Variants in MGA observed in about 807,000 individuals in gnomAD.
MGA encodes the protein MAX dimerization protein MGA.
MGA carries 40 observed loss-of-function variants against 261.1 expected under a neutral mutation model. The ratio of observed to expected loss-of-function variants is 0.15; its 90% CI spans 0.12 to 0.20. MGA has a LOEUF of 0.20. Among genes scored for constraint, MGA ranks in the 10% least tolerant of loss-of-function variants. MGA has a pLI of 1.00. For missense variants in MGA, 3,397 were observed against 3,630.5 expected (o/e 0.94, Z 1.65); for synonymous variants, 1,302 against 1,290.6 (o/e 1.01, Z -0.19).
intron 13 of MGA, 59 bp from the exon 14 acceptor site, chr15:41,739,847 G>T: frequency 1.3e-6 from 2 of 1,536,420 alleles, no homozygotes; most frequent in South Asian, 1.2e-5. Context: ...CCTGTCAAGG[G>T]AGAGGAGTTA....
rs528940415 is a variant in MGA at position 41,652,172 on chromosome 15, C to A, written c.-67-16656C>A. Among the ~76,000 whole-genome samples the A allele has an allele frequency of 3.7e-4, 55 of 149,416 alleles. 1 individual carries two copies. The highest frequency in any genetic ancestry group is 1.3e-3 in the African/African-American group (54 of 40,588). ...TGTATTTTTAGTAGAGATGGGGTTT[C>A]ATGTGTTAGCCAGGATGGTCTCAAT... On this transcript the variant is annotated intron_variant, in intron 1 of 8. Transcript: ENST00000566718.
chr15:41,632,133 A>T (rs992990114), intron 1 of MGA, among the ~76,000 whole-genome samples: 1 of 152,194 alleles, frequency 6.6e-6, no homozygotes, highest in Non-Finnish European at 1.5e-5. Context: ...TTTATCCATG[A>T]TACATGTGTG....
intron 22 of MGA, among the ~76,000 whole-genome samples, chr15:41,764,197 C>G (rs568943961): frequency 1.3e-5 from 2 of 150,808 alleles, no homozygotes; most frequent in South Asian, 4.2e-4. Flanking sequence ...TTCTTTTTTA[C>G]TCTTTAAATG....
At chr15:41,698,759 G>T in intron 3 of MGA, 104 bp from the exon 4 acceptor site, 1 of 790,608 alleles carries the variant, frequency 1.3e-6, no homozygotes, top group Non-Finnish European at 2.0e-6. Flanking sequence ...CTGTAGGCAT[G>T]GAGATATTTT....
Position 41,668,833 on chromosome 15 carries a change from G to C in MGA, c.-62G>C. 8.1e-7 allele frequency: 1 copy of C among 1,232,024 alleles called. No individual in the cohort carries two copies. Among genetic ancestry groups the C allele is most frequent in the Admixed American group, 2.5e-5 (1 of 39,406 alleles). The allele number at this position is 1,232,024 out of a possible 1,614,324, so 76.3% of individuals were successfully genotyped here. On this transcript the variant is annotated 5_prime_UTR_variant, in exon 2 of 24. Transcript: ENST00000219905. ...TTTTTTTGCTTGTTTCTTAGGATGG[G>C]AAGGCCATTGTGACTATGTGGTGAT...
rs529413017 is a variant in MGA, at chr15:41,719,616, C to T, written c.3430+6120C>T. Among the ~76,000 whole-genome samples, 8 of 152,182 alleles carry T rather than the reference C, an allele frequency of 5.3e-5. No homozygotes were observed. In the South Asian group the frequency reaches 1.4e-3, roughly 28 times the overall value. On this transcript the variant is annotated intron_variant, in intron 9 of 23. Transcript: ENST00000219905. ...AATTAGCCTGGTGTGGTGGTATGCA[C>T]CTGTAGTCCGAGCTACTTGGGGGGC...
Position 41,767,015 on chromosome 15 carries a change from G to C in MGA, c.8933G>C (p.Ser2978Thr). 6.2e-7 allele frequency: 1 copy of C among 1,614,002 alleles called. No homozygotes were observed. The highest frequency in any genetic ancestry group is 8.5e-7 in the Non-Finnish European group (1 of 1,179,898). ...AAGACTGGCTTGGAGAACAGCAACA[G>C]CACAGACACTTTGTGGAGGCCTATG... Residue 2978 changes from serine (S) to threonine (T), a missense_variant, in exon 24 of 24, where the codon AGC (serine) becomes ACC (threonine). Physicochemically the swap from Ser to Thr is moderately conservative, Grantham distance 58. Around this residue, in one of 9 missense-constraint regions of MGA, gnomAD observed 647 missense variants for 642.4 expected, o/e 1.01. Coordinates refer to ENST00000219905, the MANE Select transcript of MGA (RefSeq NM_001164273.2).
rs186202954 is a variant in MGA, at chr15:41,678,478, T to C, written c.1064+8520T>C. Among the ~76,000 whole-genome samples the C allele has an allele frequency of 1.3e-4, 19 of 150,616 alleles. No homozygotes were observed. The East Asian group carries it at 3.0e-3, about 24-fold the overall frequency. ...TCCCGTCACCATTCATTGAAAAGAC[T>C]GTCCTGGCCGGGTGCTGTGGCTCAT... On this transcript the variant is annotated intron_variant, in intron 2 of 23. Transcript: ENST00000219905.
chr15:41,742,430 G>A lies in MGA; in HGVS notation c.4586-116G>A, dbSNP rs137855970. The A allele has an allele frequency of 3.4e-6, 4 of 1,161,814 alleles. No homozygotes were observed. The Admixed American group carries it at 9.4e-5, about 27-fold the overall frequency. The allele number at this position is 1,161,814 out of a possible 1,614,324, so 72.0% of individuals were successfully genotyped here. ...GAAATTGGCACAAATAATACAGGTA[G>A]GTAGTACCTGTAAGAAATTGACCCA... is the stretch of plus-strand genomic sequence containing the variant. On this transcript the variant is annotated intron_variant, in intron 14 of 23. Coordinates refer to ENST00000219905, the MANE Select transcript of MGA (RefSeq NM_001164273.2).
chr15:41,733,453 C>T (rs1057039008), intron 11 of MGA, among the ~76,000 whole-genome samples: 2 of 152,244 alleles, frequency 1.3e-5, no homozygotes, highest in African/African-American at 2.4e-5. Flanking sequence ...ATTCCAGTTA[C>T]CCTTGTAGTT....
Position 41,710,894 on chromosome 15 carries a change from A to T in MGA, c.2629A>T (p.Thr877Ser), listed in dbSNP as rs781099965. ...TGATAGTGTACTAAAGAAGCAATCT[A>T]CTATTTCCCCTTCTACCTCTTATTC... The change falls in exon 8 of 24, where the codon ACT (threonine) becomes TCT (serine). Residue 877 changes from threonine (T) to serine (S), a missense_variant. Transcript: ENST00000219905. 6 of 1,613,880 alleles carry T rather than the reference A, an allele frequency of 3.7e-6. No individual in the cohort carries two copies. The East Asian group carries it at 1.3e-4, about 36-fold the overall frequency.
Position 41,686,537 on chromosome 15 carries a change from A to T in MGA, c.1065-9538A>T, listed in dbSNP as rs192672939. ...AGTGAGATGCTGTCTTAAAAAAAAA[A>T]TTTTTTTTTTGAGTGGTCATTCATG... On this transcript the variant is annotated intron_variant, in intron 2 of 23. Transcript: ENST00000219905. Among the ~76,000 whole-genome samples, 848 of 150,030 alleles carry T rather than the reference A, an allele frequency of 5.7e-3. 10 individuals are homozygous for T. The highest frequency in any genetic ancestry group is 0.019 in the African/African-American group (789 of 40,598).
At position 41,680,860 on chromosome 15, in the gene MGA, ATCTT is replaced by A. The variant is rs200647460; in HGVS notation, c.1064+10903_1064+10906del. Among the ~76,000 whole-genome samples, 242 of 152,264 alleles carry A rather than the reference ATCTT, an allele frequency of 1.6e-3. 2 individuals carry two copies. In the East Asian group the frequency reaches 0.027, roughly 17 times the overall value. The stretch of plus-strand genomic sequence containing the variant: ...TTGACAAAATCTGTGATTGAACTTA[ATCTT>A]CAGTTCTTTTCCCCACCCTAGAGGT... On this transcript the variant is annotated intron_variant, in intron 2 of 23. Coordinates refer to ENST00000219905, the MANE Select transcript of MGA (RefSeq NM_001164273.2).
chr15:41,763,658 A>G (rs1197769), intron 22 of MGA, among the ~76,000 whole-genome samples: 124,967 of 151,600 alleles, frequency 0.82, 51,632 homozygotes, highest in East Asian at 0.89. Context: ...CAGGAGAATC[A>G]CTTTAACCCG....
intron 5 of MGA, among the ~76,000 whole-genome samples, chr15:41,702,812 T>C (rs959877643): frequency 2.0e-5 from 3 of 152,236 alleles, no homozygotes; most frequent in Non-Finnish European, 4.4e-5. Flanking sequence ...ATTTTAAAAG[T>C]GTGTTTAAAG....
intron 5 of MGA, 70 bp from the exon 6 acceptor site, chr15:41,707,658 A>G: frequency 5.6e-6 from 8 of 1,435,890 alleles, no homozygotes; most frequent in Non-Finnish European, 7.5e-6. Flanking sequence ...GGCACAAGTT[A>G]AAAACAAAGA....
At chr15:41,735,077 A>G (rs570035928) in intron 12 of MGA, among the ~76,000 whole-genome samples, 2 of 152,334 alleles carry the variant, frequency 1.3e-5, no homozygotes, top group South Asian at 2.1e-4. Flanking sequence ...GACTTCTGAC[A>G]CTTAAGCAGC....
chr15:41,697,055 C>A, intron 3 of MGA, 32 bp downstream of exon 3: 1 of 1,442,056 alleles, frequency 6.9e-7, no homozygotes, highest in Non-Finnish European at 9.2e-7. Flanking sequence ...TTCTTTAAGG[C>A]TAATTAGTCA....
At chr15:41,756,474 GTTATTACCAGT>G (rs1466668693) in intron 18 of MGA, among the ~76,000 whole-genome samples, 1 of 152,200 alleles carries the variant, frequency 6.6e-6, no homozygotes, top group Non-Finnish European at 1.5e-5. Context: ...AGTGTACATT[GTTATTACCAGT>G]TTAACAGTTA....
Sources: gnomAD v4.1 joint callset for allele counts (sites outside exome capture counted in the v4.1 genomes callset) on GRCh38, gnomAD v4.1.1 for gene constraint, gnomAD v4.1.1 regional missense constraint, MANE v1.5 for transcripts, NCBI Gene and HGNC (gene_info 2026-07-23, HGNC 2026-07-21) for gene names.